Variants in PCDH7 observed in about 807,000 individuals in gnomAD.
The protein encoded by PCDH7 is protocadherin 7.
In PCDH7, 17 loss-of-function variants were observed where a neutral mutation model predicts 58.9. The ratio of observed to expected loss-of-function variants is 0.29; its 90% confidence interval spans 0.20 to 0.43. The LOEUF (loss-of-function observed/expected upper bound fraction) is 0.43, where lower values mean the gene tolerates loss of function less well. Ranked by LOEUF, PCDH7 falls within the 20% of genes least tolerant of loss-of-function variation. The pLI is 1.00. For synonymous variants in PCDH7, 664 were observed against 616.4 expected (o/e 1.08, Z -1.14); for missense variants, 1,274 against 1,441.0 (o/e 0.88, Z 1.88).
At chr4:31,038,493 A>G (rs1424315127) in intron 3 of PCDH7, among the ~76,000 whole-genome samples, 1 of 152,196 alleles carries the variant, frequency 6.6e-6, no homozygotes, top group Non-Finnish European at 1.5e-5. Context: ...GGAATAAGAA[A>G]TTATAAAGCA....
chr4:30,858,633 G>T (rs1217646164), intron 1 of PCDH7, among the ~76,000 whole-genome samples: 1 of 152,088 alleles, frequency 6.6e-6, no homozygotes, highest in Non-Finnish European at 1.5e-5. Flanking sequence ...AAGTTATATT[G>T]CTAATACATC....
chr4:30,919,445 T>G (rs935033919), intron 1 of PCDH7, among the ~76,000 whole-genome samples: 1 of 152,200 alleles, frequency 6.6e-6, no homozygotes, highest in African/African-American at 2.4e-5. Flanking sequence ...TTAAAGGCTG[T>G]ACATGATTTT....
At chr4:31,138,073 T>C (rs866589708) in intron 3 of PCDH7, among the ~76,000 whole-genome samples, 22 of 152,266 alleles carry the variant, frequency 1.4e-4, no homozygotes, top group African/African-American at 5.3e-4. Flanking sequence ...TAATGGGTTC[T>C]GAATTATGTA....
intron 1 of PCDH7, among the ~76,000 whole-genome samples, chr4:30,725,762 G>A (rs969703580): frequency 3.9e-5 from 6 of 152,068 alleles, no homozygotes; most frequent in Non-Finnish European, 7.4e-5. Context: ...TGTGGAATCC[G>A]AGAAGAATTG....
chr4:31,140,800 A>G (rs938502511), intron 3 of PCDH7, among the ~76,000 whole-genome samples: 5 of 152,286 alleles, frequency 3.3e-5, no homozygotes, highest in Admixed American at 2.6e-4. Flanking sequence ...AATGAGTGGG[A>G]AAGTACTTTT....
chr4:30,902,706 CAT>C (rs1410509772), intron 1 of PCDH7, among the ~76,000 whole-genome samples: 6 of 151,786 alleles, frequency 4.0e-5, no homozygotes, highest in Admixed American at 2.0e-4. Flanking sequence ...TTGAAAAAGT[CAT>C]AAGGAAAAAA....
intron 3 of PCDH7, among the ~76,000 whole-genome samples, chr4:30,986,414 C>CA (rs536198973): frequency 6.6e-6 from 1 of 151,550 alleles, no homozygotes; most frequent in African/African-American, 2.4e-5. Flanking sequence ...CACAGAAAAG[C>CA]AAAAAACAAA....
At chr4:30,864,719 T>C (rs896916584) in intron 1 of PCDH7, among the ~76,000 whole-genome samples, 1 of 152,070 alleles carries the variant, frequency 6.6e-6, no homozygotes, top group Non-Finnish European at 1.5e-5. Flanking sequence ...TTCTGTTAGA[T>C]ATTTCTGGTT....
chr4:30,878,319 C>T (rs1241610813), intron 1 of PCDH7, among the ~76,000 whole-genome samples: 1 of 152,116 alleles, frequency 6.6e-6, no homozygotes, highest in African/African-American at 2.4e-5. Flanking sequence ...GATTTTCACA[C>T]ATTACTTCTG....
exon 1 of PCDH7, chr4:30,724,278 C>T: frequency 6.2e-7 from 1 of 1,613,600 alleles, no homozygotes; most frequent in Non-Finnish European, 8.5e-7. Context: ...GCAGCATTGT[C>T]ACTGTGGAGG....
intron 1 of PCDH7, among the ~76,000 whole-genome samples, chr4:30,818,206 G>T (rs1456089846): frequency 3.3e-5 from 5 of 152,048 alleles, no homozygotes; most frequent in Non-Finnish European, 1.5e-5. Flanking sequence ...CCCCAAACCC[G>T]ATTCTTCTTC....
chr4:30,738,411 T>C lies in PCDH7; in HGVS notation c.70+13815T>C, dbSNP rs143818775. Among the ~76,000 whole-genome samples, 606 of 151,302 alleles carry C rather than the reference T, an allele frequency of 4.0e-3. 4 individuals are homozygous for C. The highest frequency in any genetic ancestry group is 0.014 in the African/African-American group (581 of 41,306). ...TTCTTAAATTGAAAAAAAAAAAAGG[T>C]ACAATTACTATCGTTTTTGTGAAAA... On this transcript the variant is annotated intron_variant, in intron 1 of 3. Coordinates refer to the PCDH7 transcript ENST00000509759.
intron 3 of PCDH7, among the ~76,000 whole-genome samples, chr4:30,974,242 CT>C (rs1227075314): frequency 8.4e-5 from 6 of 71,680 alleles, no homozygotes; most frequent in Non-Finnish European, 1.2e-4. Context: ...CTTTTTCTTT[CT>C]TTCTTCCTTT....
intron 3 of PCDH7, among the ~76,000 whole-genome samples, chr4:30,962,237 A>G (rs1560536768): frequency 6.6e-6 from 1 of 152,192 alleles, no homozygotes; most frequent in Admixed American, 6.5e-5. Flanking sequence ...TAATAAGCAA[A>G]TGACTCTCGA....
intron 1 of PCDH7, among the ~76,000 whole-genome samples, chr4:30,750,254 GC>G (rs1718331831): frequency 1.3e-5 from 2 of 152,118 alleles, no homozygotes; most frequent in Admixed American, 1.3e-4. Context: ...GTCCAAAGTG[GC>G]CCTGAAGGCT....
At position 30,953,189 on chromosome 4, in the gene PCDH7, C is replaced by T. The variant is rs889040785; in HGVS notation, c.*7+2974C>T. On this transcript the variant is annotated intron_variant, in intron 3 of 3. Transcript: ENST00000509759. ...TCTAGAGGTTGCTCCTATTTTGGGA[C>T]ATCTTTAACTTTCCAGCTTTTTCTA... Among the ~76,000 whole-genome samples the T allele has an allele frequency of 3.3e-5, 5 of 152,220 alleles. No individual in the cohort carries two copies. In the South Asian group the frequency reaches 8.3e-4, roughly 25 times the overall value.
At chr4:31,084,715 G>A (rs1323692164) in intron 3 of PCDH7, among the ~76,000 whole-genome samples, 1 of 108,072 alleles carries the variant, frequency 9.3e-6, no homozygotes, top group East Asian at 3.8e-4. Context: ...AGGGAGGAGG[G>A]GAGGGGAGAA....
intron 1 of PCDH7, among the ~76,000 whole-genome samples, chr4:30,745,248 GT>G (rs60062972): frequency 5.9e-4 from 86 of 146,786 alleles, no homozygotes; most frequent in East Asian, 1.6e-3. Flanking sequence ...TTTACATCTT[GT>G]TTTTTTTTTT....
In PCDH7 at chr4:31,099,337, G is replaced by A. The variant is rs1460889750; in HGVS notation, c.*8-43136G>A. Among the ~76,000 whole-genome samples, 3 of 152,172 alleles carry A rather than the reference G, an allele frequency of 2.0e-5. No homozygotes were observed. The East Asian group carries it at 5.8e-4, about 29-fold the overall frequency. On this transcript the variant is annotated intron_variant, in intron 3 of 3. Transcript: ENST00000509759. The stretch of plus-strand genomic sequence containing the variant: ...ATACAAGCAGCATATACAGGCTGCA[G>A]GGGGATCTGCCTAAAGGTGTTTGCT...
Sources: gnomAD v4.1 joint callset for allele counts (sites outside exome capture counted in the v4.1 genomes callset) on GRCh38, gnomAD v4.1.1 for gene constraint, MANE v1.5 for transcripts, NCBI Gene and HGNC (gene_info 2026-07-23, HGNC 2026-07-21) for gene names.